ALCAM: variants seen among roughly 807,000 people sequenced by gnomAD.
ALCAM encodes the protein activated leukocyte cell adhesion molecule, also known as CD166 antigen.
ALCAM carries 30 observed loss-of-function variants against 70.9 expected under a neutral mutation model. That is an observed-to-expected ratio of 0.42 (90% CI 0.32 to 0.57). The LOEUF (loss-of-function observed/expected upper bound fraction) is 0.57, where lower values mean the gene tolerates loss of function less well. Among genes scored for constraint, ALCAM ranks in the 20% least tolerant of loss-of-function variants. The pLI is 0.11. For missense variants in ALCAM, 591 were observed against 695.1 expected, an observed-to-expected ratio of 0.85 and a Z score of 1.68; for synonymous variants, 249 against 242.5, an observed-to-expected ratio of 1.03 and a Z score of -0.25.
intron 1 of ALCAM, chr3:105,439,251 T>G (rs1937118973): frequency 6.6e-6 from 1 of 152,182 alleles, no homozygotes; most frequent in South Asian, 2.1e-4. Flanking sequence ...TCAGAAGAAA[T>G]TCTATTTAAT....
chr3:105,568,063 A>ATTTT (rs71111369), intron 14 of ALCAM, among the ~76,000 whole-genome samples: 2 of 116,952 alleles, frequency 1.7e-5, no homozygotes, highest in African/African-American at 3.1e-5. Context: ...ATTTTATTTT[A>ATTTT]TTTTTTTTTT....
chr3:105,510,526 A>G (rs990246448), intron 1 of ALCAM, among the ~76,000 whole-genome samples: 1 of 152,130 alleles, frequency 6.6e-6, no homozygotes, highest in African/African-American at 2.4e-5. Context: ...AATAATAAAC[A>G]AAAGTGATGA....
At chr3:105,449,923 ATGGAT>A (rs556291818) in intron 1 of ALCAM, among the ~76,000 whole-genome samples, 49 of 152,278 alleles carry the variant, frequency 3.2e-4, no homozygotes, top group African/African-American at 1.2e-3. Flanking sequence ...TTTCTAAATG[ATGGAT>A]TTAAAATGTC....
intron 10 of ALCAM, 38 bp from the exon 11 acceptor site, chr3:105,547,352 T>A (rs770240087): frequency 1.3e-6 from 2 of 1,583,490 alleles, no homozygotes; most frequent in Admixed American, 1.9e-5. Context: ...TCTTTTATGA[T>A]CTCAGTTCAA....
Position 105,507,589 on chromosome 3 carries a change from C to A in ALCAM, c.74-12478C>A, listed in dbSNP as rs1470260069. Among the ~76,000 whole-genome samples, 4 of 152,074 alleles carry A rather than the reference C, an allele frequency of 2.6e-5. No individual in the cohort carries two copies. The East Asian group carries it at 5.8e-4, about 22-fold the overall frequency. On this transcript the variant is annotated intron_variant, in intron 1 of 15. Transcript: ENST00000306107. The stretch of plus-strand genomic sequence containing the variant: ...ATTTCAGGTCCCTTCGTGTTTTTTT[C>A]ATGGCTTGCTGGCTCATTTCTTTTT...
At chr3:105,453,468 T>G (rs888654782) in intron 1 of ALCAM, among the ~76,000 whole-genome samples, 4 of 152,242 alleles carry the variant, frequency 2.6e-5, no homozygotes, top group Non-Finnish European at 5.9e-5. Context: ...CTGTTTTGGT[T>G]ACTGGAGCCT....
rs35101188 is a variant in ALCAM, at chr3:105,405,277, C to CAAAA, written c.73+37820_73+37823dup. ...GGACAACAAGAGCAAAACTTCGTCT[C>CAAAA]AAAAAAAAAAAAAAAAAAAAAAAAA... is the stretch of plus-strand genomic sequence containing the variant. On this transcript the variant is annotated intron_variant, in intron 1 of 15. Transcript: ENST00000306107. 5.1e-4 allele frequency among the ~76,000 whole-genome samples: 33 copies of CAAAA among 65,268 alleles called. 2 individuals carry two copies. Among genetic ancestry groups the CAAAA allele is most frequent in the East Asian group, 2.1e-3 (3 of 1,402 alleles). 42.8% of individuals were successfully genotyped at this position (65,268 alleles called of 152,430 possible).
At chr3:105,548,762 C>A (rs1940315617) in intron 11 of ALCAM, among the ~76,000 whole-genome samples, 1 of 151,404 alleles carries the variant, frequency 6.6e-6, no homozygotes, top group South Asian at 2.1e-4. Context: ...TAGGAAAATG[C>A]AGTTTTCTTG....
intron 1 of ALCAM, among the ~76,000 whole-genome samples, chr3:105,512,305 C>T (rs1414826556): frequency 6.6e-6 from 1 of 151,730 alleles, no homozygotes; most frequent in Non-Finnish European, 1.5e-5. Context: ...TCCATTACTT[C>T]AGATGATTCA....
At chr3:105,435,509 T>C (rs1400037411) in intron 1 of ALCAM, among the ~76,000 whole-genome samples, 1 of 152,254 alleles carries the variant, frequency 6.6e-6, no homozygotes, top group Non-Finnish European at 1.5e-5. Flanking sequence ...TATAGGGCCA[T>C]AAGTAATTGA....
intron 1 of ALCAM, among the ~76,000 whole-genome samples, chr3:105,469,000 TGAAC>T (rs371037756): frequency 0.59 from 88,580 of 151,010 alleles, 26,558 homozygotes; most frequent in East Asian, 0.89. Flanking sequence ...CCAGTTCTTT[TGAAC>T]TGGTCATTTT....
At chr3:105,428,965 T>C (rs560825116) in intron 1 of ALCAM, among the ~76,000 whole-genome samples, 9 of 152,062 alleles carry the variant, frequency 5.9e-5, no homozygotes, top group Non-Finnish European at 1.0e-4. Context: ...ACACAGTCAA[T>C]GAATTTTTCT....
At chr3:105,534,933 C>T (rs1317919176) in intron 6 of ALCAM, 88 bp downstream of exon 6, 1 of 1,287,690 alleles carries the variant, frequency 7.8e-7, no homozygotes. Context: ...AATCCAATTA[C>T]TCTTTGAATT....
intron 1 of ALCAM, among the ~76,000 whole-genome samples, chr3:105,477,074 C>G (rs190351453): frequency 6.6e-6 from 1 of 152,082 alleles, no homozygotes; most frequent in African/African-American, 2.4e-5. Flanking sequence ...GATTCTGAGG[C>G]CTCCCCAGCC....
chr3:105,377,462 A>G (rs1236944022), intron 1 of ALCAM, among the ~76,000 whole-genome samples: 1 of 152,088 alleles, frequency 6.6e-6, no homozygotes, highest in African/African-American at 2.4e-5. Context: ...CAACAAAAGT[A>G]AGATAATGCC....
intron 1 of ALCAM, among the ~76,000 whole-genome samples, chr3:105,406,372 G>A (rs2107383590): frequency 6.6e-6 from 1 of 152,246 alleles, no homozygotes; most frequent in South Asian, 2.1e-4. Context: ...TTAAGGCCCA[G>A]GAAAGGCCTA....
chr3:105,569,657 T>C (rs1940822327), intron 14 of ALCAM, among the ~76,000 whole-genome samples: 2 of 152,212 alleles, frequency 1.3e-5, no homozygotes, highest in Non-Finnish European at 2.9e-5. Context: ...AATAATGATC[T>C]TTTGGATGCC....
At chr3:105,459,189 T>G (rs1309801754) in intron 1 of ALCAM, among the ~76,000 whole-genome samples, 1 of 152,156 alleles carries the variant, frequency 6.6e-6, no homozygotes, top group Admixed American at 6.6e-5. Context: ...TTTCCAATTG[T>G]TTGCATATTC....
intron 1 of ALCAM, among the ~76,000 whole-genome samples, chr3:105,456,557 T>A (rs1017626821): frequency 6.6e-6 from 1 of 152,200 alleles, no homozygotes; most frequent in Non-Finnish European, 1.5e-5. Flanking sequence ...TATAAGCAAC[T>A]ACATAGAGTT....
Sources: allele counts gnomAD v4.1 joint callset (sites outside exome capture counted in the v4.1 genomes callset), GRCh38; gene constraint gnomAD v4.1.1; transcripts MANE v1.5; gene names NCBI Gene and HGNC (gene_info 2026-07-23, HGNC 2026-07-21).